SLC16A7: variants seen among roughly 807,000 people sequenced by gnomAD.
The protein encoded by SLC16A7 is solute carrier family 16 member 7.
Under a neutral mutation model 34.9 loss-of-function variants are expected in SLC16A7, and 33 were observed. The observed-to-expected ratio is 0.94, with a 90% CI of 0.72 to 1.26. The LOEUF (loss-of-function observed/expected upper bound fraction) is 1.26, where lower values mean the gene tolerates loss of function less well. Among genes scored for constraint, SLC16A7 ranks in the 50% most tolerant of loss-of-function variants. SLC16A7 has a pLI of 0.00. For missense variants in SLC16A7, 573 were observed against 578.1 expected (o/e 0.99, Z 0.09); for synonymous variants, 201 against 206.6 (o/e 0.97, Z 0.23).
In SLC16A7 at chr12:59,720,029, T is replaced by C. The variant is rs1303352460; in HGVS notation, c.217+15011T>C. On this transcript the variant is annotated intron_variant, in intron 3 of 5. Coordinates refer to ENST00000547379, the MANE Select transcript of SLC16A7 (RefSeq NM_001270623.2). ...TGAATCTCATGTTTTTGTAAACTTTTCTGGAATAGGAATGCCTCATGACTA... is the reference window on the plus strand; with the variant it reads ...TGAATCTCATGTTTTTGTAAACTTTCCTGGAATAGGAATGCCTCATGACTA... 8 of 681,164 alleles carry C rather than the reference T, an allele frequency of 1.2e-5. No homozygotes were observed. The Middle Eastern group carries it at 7.0e-4, about 60-fold the overall frequency. The allele number at this position is 681,164 out of a possible 1,614,324, so 42.2% of individuals were successfully genotyped here. A position where few individuals can be genotyped will look rare whatever the true frequency, so the allele number is the denominator to read the frequency against.
intron 3 of SLC16A7, among the ~76,000 whole-genome samples, chr12:59,770,657 G>A (rs151100131): frequency 1.1e-3 from 174 of 152,146 alleles, no homozygotes; most frequent in Non-Finnish European, 2.0e-3. Context: ...AAAGTCATTA[G>A]GTGTAAGACA....
At chr12:59,713,596 A>G (rs1299310515) in intron 3 of SLC16A7, among the ~76,000 whole-genome samples, 2 of 152,188 alleles carry the variant, frequency 1.3e-5, no homozygotes, top group South Asian at 2.1e-4. Flanking sequence ...GGATTTTTAA[A>G]TGGTTAATCT....
intron 2 of SLC16A7, among the ~76,000 whole-genome samples, chr12:59,693,514 T>C (rs1871916848): frequency 6.6e-6 from 1 of 151,914 alleles, no homozygotes; most frequent in Non-Finnish European, 1.5e-5. Flanking sequence ...GGCAAAGTTA[T>C]TGGGCTTCAG....
intron 1 of SLC16A7, among the ~76,000 whole-genome samples, chr12:59,597,999 G>A (rs956764507): frequency 2.0e-5 from 3 of 152,002 alleles, no homozygotes; most frequent in Non-Finnish European, 4.4e-5. Flanking sequence ...GATAATGTCT[G>A]GCTTATATTT....
Position 59,786,252 on chromosome 12 carries a change from C to T in SLC16A7, c.*6573C>T, listed in dbSNP as rs1460695283. The T allele has an allele frequency of 2.6e-5, 4 of 151,154 alleles. No homozygotes were observed. The highest frequency in any genetic ancestry group is 4.4e-5 in the Non-Finnish European group (3 of 67,610). 9.4% of individuals were successfully genotyped at this position (151,154 alleles called of 1,614,324 possible). A position where few individuals can be genotyped will look rare whatever the true frequency, so the allele number is the denominator to read the frequency against. ...AAATAGAATAAGTTGATAAAAGCTC[C>T]TCTGTTCAGAAAAACAAAAGAATGG... is the stretch of plus-strand genomic sequence containing the variant. On this transcript the variant is annotated 3_prime_UTR_variant, in exon 6 of 6. Coordinates refer to ENST00000547379, the MANE Select transcript of SLC16A7 (RefSeq NM_001270623.2).
chr12:59,658,366 T>C (rs1314262812), intron 2 of SLC16A7, among the ~76,000 whole-genome samples: 2 of 152,018 alleles, frequency 1.3e-5, no homozygotes, highest in Non-Finnish European at 2.9e-5. Context: ...TATGTGGAAA[T>C]AGATGGATCT....
At chr12:59,723,783 C>A (rs1875903788) in intron 3 of SLC16A7, among the ~76,000 whole-genome samples, 1 of 151,920 alleles carries the variant, frequency 6.6e-6, no homozygotes, top group Non-Finnish European at 1.5e-5. Context: ...TCTGAAAATC[C>A]TTCAGCTATT....
chr12:59,624,580 C>T (rs977783665), intron 1 of SLC16A7, among the ~76,000 whole-genome samples: 2 of 151,752 alleles, frequency 1.3e-5, no homozygotes, highest in Non-Finnish European at 2.9e-5. Context: ...ACATTGTAAA[C>T]TCCCAAACAT....
At chr12:59,665,513 TATA>T (rs1165335667) in intron 2 of SLC16A7, among the ~76,000 whole-genome samples, 1 of 152,018 alleles carries the variant, frequency 6.6e-6, no homozygotes, top group Non-Finnish European at 1.5e-5. Context: ...TTTAGGATAG[TATA>T]ATATTATGGT....
At chr12:59,757,025 A>G (rs1288758936) in intron 3 of SLC16A7, among the ~76,000 whole-genome samples, 7 of 142,834 alleles carry the variant, frequency 4.9e-5, no homozygotes, top group Non-Finnish European at 9.0e-5. Context: ...CAAACACCGC[A>G]TATTCTCACT....
At chr12:59,769,980 A>G (rs1460275966) in intron 3 of SLC16A7, among the ~76,000 whole-genome samples, 2 of 152,116 alleles carry the variant, frequency 1.3e-5, no homozygotes, top group African/African-American at 4.8e-5. Context: ...ATAAAGTACT[A>G]TGGAATTTAA....
chr12:59,605,918 G>C (rs756576802), intron 1 of SLC16A7, among the ~76,000 whole-genome samples: 5 of 152,150 alleles, frequency 3.3e-5, no homozygotes, highest in Non-Finnish European at 5.9e-5. Flanking sequence ...GTAACTTTTA[G>C]AGCCCCAGTT....
chr12:59,641,904 A>G (rs1397640570), intron 1 of SLC16A7, among the ~76,000 whole-genome samples: 2 of 152,028 alleles, frequency 1.3e-5, no homozygotes, highest in Admixed American at 6.6e-5. Flanking sequence ...AAGATGTATA[A>G]TAGTGGTAAT....
chr12:59,647,438 C>T (rs1211220215), intron 1 of SLC16A7, among the ~76,000 whole-genome samples: 7 of 152,156 alleles, frequency 4.6e-5, no homozygotes, highest in African/African-American at 1.7e-4. Context: ...TCCCCTTCCA[C>T]CATGATTGTA....
chr12:59,750,484 G>T (rs866479559), intron 3 of SLC16A7, among the ~76,000 whole-genome samples: 45 of 152,270 alleles, frequency 3.0e-4, no homozygotes, highest in Middle Eastern at 6.8e-3. Context: ...GGTCATTAGA[G>T]AAATGCAAAT....
chr12:59,668,788 C>G (rs1391922740), intron 2 of SLC16A7, among the ~76,000 whole-genome samples: 1 of 152,120 alleles, frequency 6.6e-6, no homozygotes, highest in Non-Finnish European at 1.5e-5. Flanking sequence ...CCATTCAAAT[C>G]TCAAATTTTA....
intron 1 of SLC16A7, among the ~76,000 whole-genome samples, chr12:59,631,360 T>C (rs1880174560): frequency 6.6e-6 from 1 of 151,856 alleles, no homozygotes; most frequent in South Asian, 2.1e-4. Context: ...TTGGAACAGA[T>C]GGAGATATCT....
chr12:59,601,043 G>A lies in SLC16A7; in HGVS notation c.-130+4807G>A, dbSNP rs1451221805. Among the ~76,000 whole-genome samples the A allele has an allele frequency of 2.0e-5, 3 of 152,190 alleles. No homozygotes were observed. The East Asian group carries it at 5.8e-4, about 29-fold the overall frequency. On this transcript the variant is annotated intron_variant, in intron 1 of 5. Coordinates refer to ENST00000547379, the MANE Select transcript of SLC16A7 (RefSeq NM_001270623.2). Reference sequence around the variant, plus strand: ...TGGTGATTAGTTTTATGTAATAGTTGGCATTAAAATAGCAACTTTCAATAG... The same window carrying A: ...TGGTGATTAGTTTTATGTAATAGTTAGCATTAAAATAGCAACTTTCAATAG...
At position 59,787,842 on chromosome 12, in the gene SLC16A7, G is replaced by C. The variant is rs1468675355; in HGVS notation, c.*8163G>C. 2 of 152,194 alleles carry C rather than the reference G, an allele frequency of 1.3e-5. No homozygotes were observed. The allele number at this position is 152,194 out of a possible 1,614,324, so 9.4% of individuals were successfully genotyped here. On this transcript the variant is annotated 3_prime_UTR_variant, in exon 6 of 6. Coordinates refer to ENST00000547379, the MANE Select transcript of SLC16A7 (RefSeq NM_001270623.2). ...TTCTGACAGGAGGCAGGCCTCAGTA[G>C]TTGCAGTGAGTGCATTTACTAATAT...
Sources: allele counts gnomAD v4.1 joint callset (sites outside exome capture counted in the v4.1 genomes callset), GRCh38; gene constraint gnomAD v4.1.1; transcripts MANE v1.5; gene names NCBI Gene and HGNC (gene_info 2026-07-23, HGNC 2026-07-21).